The following PARPBP variants were observed in gnomAD, a reference collection of about 807,000 sequenced individuals.
PARPBP encodes PCNA-interacting partner.
In PARPBP, 52 loss-of-function variants were observed where a neutral mutation model predicts 50.0. The observed-to-expected ratio is 1.04, with a 90% CI of 0.83 to 1.31. PARPBP has a LOEUF of 1.31. Among genes scored for constraint, PARPBP ranks in the 50% most tolerant of loss-of-function variants. The pLI, the probability that PARPBP is intolerant of heterozygous loss-of-function variation, is 0.00. For synonymous variants in PARPBP, 244 were observed against 232.1 expected, an observed-to-expected ratio of 1.05 and a Z score of -0.47; for missense variants, 697 against 672.0, an observed-to-expected ratio of 1.04 and a Z score of -0.41.
chr12:102,166,318 A>G (rs1040560604), intron 6 of PARPBP, among the ~76,000 whole-genome samples: 2 of 152,042 alleles, frequency 1.3e-5, no homozygotes, highest in Non-Finnish European at 2.9e-5. Flanking sequence ...TCTTTGGTTC[A>G]TCTGGGATTT....
intron 1 of PARPBP, 128 bp downstream of exon 1, chr12:102,120,414 G>A: frequency 2.2e-6 from 1 of 455,976 alleles, no homozygotes; most frequent in South Asian, 1.6e-5. Flanking sequence ...GAAGTATTAT[G>A]GTGCAGTGAC....
chr12:102,164,556 C>G lies in PARPBP; in HGVS notation c.614C>G (p.Ala205Gly). The G allele has an allele frequency of 1.2e-6, 2 of 1,613,270 alleles. No homozygotes were observed. Among genetic ancestry groups the G allele is most frequent in the Non-Finnish European group, 8.5e-7 (1 of 1,179,344 alleles). ...NIPDRGLGRE[A>G]FTDLKHAARE... ...CCTGATAGAGGACTAGGAAGAGAAG[C>G]CTTCACTGATTTGAAACATGCTGCT... Residue 205 changes from alanine (A) to glycine (G), a missense_variant, in exon 5 of 11, where the codon GCC becomes GGC. By Grantham distance (60) the Ala-to-Gly change is moderately conservative. Transcript: ENST00000327680.
chr12:102,185,589 A>G (rs1057246195), intron 9 of PARPBP, among the ~76,000 whole-genome samples: 3 of 152,176 alleles, frequency 2.0e-5, no homozygotes, highest in Non-Finnish European at 2.9e-5. Context: ...GATTGGTATT[A>G]GTTCTCTTTA....
chr12:102,197,516 A>C lies in PARPBP; in HGVS notation c.*1225A>C. 1 of 1,599,338 alleles carries C rather than the reference A, an allele frequency of 6.3e-7. No individual in the cohort carries two copies. Among genetic ancestry groups the C allele is most frequent in the Non-Finnish European group, 8.5e-7 (1 of 1,174,456 alleles). Reference sequence around the variant, plus strand: ...GAAATAAACGACAAGTCACATTGCCACTTACCTTTGAAACTTTATTTTCCT... The same window carrying C: ...GAAATAAACGACAAGTCACATTGCCCCTTACCTTTGAAACTTTATTTTCCT... On this transcript the variant is annotated 3_prime_UTR_variant, in exon 11 of 11. Coordinates refer to ENST00000327680, the MANE Select transcript of PARPBP (RefSeq NM_017915.5).
At chr12:102,139,288 C>T (rs946336348) in intron 2 of PARPBP, among the ~76,000 whole-genome samples, 8 of 151,598 alleles carry the variant, frequency 5.3e-5, no homozygotes, top group African/African-American at 1.9e-4. Flanking sequence ...GGCTCTCTGT[C>T]TGTGATTGGT....
At chr12:102,188,908 A>C (rs537015786) in intron 9 of PARPBP, among the ~76,000 whole-genome samples, 1 of 152,292 alleles carries the variant, frequency 6.6e-6, no homozygotes, top group East Asian at 1.9e-4. Context: ...AGACCTTGTT[A>C]GATGTGGTTA....
At chr12:102,141,583 A>C (rs547665533) in intron 2 of PARPBP, among the ~76,000 whole-genome samples, 2,077 of 152,218 alleles carry the variant, frequency 0.014, 33 homozygotes, top group Middle Eastern at 0.024. Flanking sequence ...CCTAGCCTTG[A>C]TGGTCTTTAA....
chr12:102,188,961 A>G (rs1215396515), intron 9 of PARPBP, among the ~76,000 whole-genome samples: 1 of 152,164 alleles, frequency 6.6e-6, no homozygotes, highest in Non-Finnish European at 1.5e-5. Context: ...AGTGGACTTG[A>G]AGATGGAGCA....
At chr12:102,157,877 T>C (rs1305855900) in intron 4 of PARPBP, among the ~76,000 whole-genome samples, 1 of 151,980 alleles carries the variant, frequency 6.6e-6, no homozygotes, top group East Asian at 1.9e-4. Flanking sequence ...TCCCAGCACT[T>C]TGGGAGGCTG....
At chr12:102,194,487 T>C (rs1244523335) in intron 9 of PARPBP, among the ~76,000 whole-genome samples, 1 of 151,958 alleles carries the variant, frequency 6.6e-6, no homozygotes, top group African/African-American at 2.4e-5. Context: ...TACTTTGTTC[T>C]AAAATTAATT....
At chr12:102,132,950 A>C (rs1471212978) in intron 2 of PARPBP, among the ~76,000 whole-genome samples, 2 of 151,922 alleles carry the variant, frequency 1.3e-5, no homozygotes, top group African/African-American at 4.8e-5. Context: ...TTACTTTTTC[A>C]GATTGTTTTT....
chr12:102,133,779 C>A (rs1204849781), intron 2 of PARPBP, among the ~76,000 whole-genome samples: 9 of 152,042 alleles, frequency 5.9e-5, no homozygotes, highest in Admixed American at 3.9e-4. Flanking sequence ...AGATTGAAAT[C>A]ATACTGAGTA....
chr12:102,184,328 T>C (rs796446547), intron 9 of PARPBP, among the ~76,000 whole-genome samples: 53 of 152,222 alleles, frequency 3.5e-4, no homozygotes, highest in African/African-American at 1.1e-3. Flanking sequence ...CTTGGTGTTA[T>C]AAACAATCCA....
chr12:102,137,520 T>A (rs1278668224), intron 2 of PARPBP, among the ~76,000 whole-genome samples: 1 of 152,174 alleles, frequency 6.6e-6, no homozygotes, highest in Non-Finnish European at 1.5e-5. Flanking sequence ...CTAAAGATTT[T>A]TTTTTTTTAA....
intron 2 of PARPBP, among the ~76,000 whole-genome samples, chr12:102,141,920 T>G (rs1884666234): frequency 6.6e-6 from 1 of 152,186 alleles, no homozygotes; most frequent in Non-Finnish European, 1.5e-5. Flanking sequence ...CCCTTAACAT[T>G]TTTTCCTTCA....
At chr12:102,171,698 C>G (rs964608884) in intron 6 of PARPBP, among the ~76,000 whole-genome samples, 1 of 152,018 alleles carries the variant, frequency 6.6e-6, no homozygotes, top group East Asian at 1.9e-4. Context: ...AACCCCGTCT[C>G]TACTAAAAAT....
At chr12:102,176,065 C>G (rs1214974057) in intron 7 of PARPBP, among the ~76,000 whole-genome samples, 1 of 151,948 alleles carries the variant, frequency 6.6e-6, no homozygotes, top group Non-Finnish European at 1.5e-5. Context: ...TCACTGCAAC[C>G]TCTGCCTCCT....
chr12:102,178,736 C>T lies in PARPBP; in HGVS notation c.1150C>T (p.His384Tyr). Residue 384 changes from histidine to tyrosine, a missense_variant, in exon 8 of 11, where the codon CAT (histidine) becomes TAT (tyrosine). Physicochemically the swap from His to Tyr is moderately conservative, Grantham distance 83. Coordinates refer to ENST00000327680, the MANE Select transcript of PARPBP (RefSeq NM_017915.5). ...TTTATATGATGAGGAAAACACAATCCATCATCATGGAACGTCTATTCTTAC... is the reference window on the plus strand; with the variant it reads ...TTTATATGATGAGGAAAACACAATCTATCATCATGGAACGTCTATTCTTAC... ...ELLYDEENTI[H>Y]HHGTSILTLF... 1.2e-6 allele frequency: 2 copies of T among 1,611,940 alleles called. No homozygotes were observed. The highest frequency in any genetic ancestry group is 1.7e-6 in the Non-Finnish European group (2 of 1,178,882).
intron 9 of PARPBP, among the ~76,000 whole-genome samples, chr12:102,186,725 A>G (rs1224933585): frequency 2.0e-5 from 3 of 152,162 alleles, no homozygotes; most frequent in Non-Finnish European, 2.9e-5. Flanking sequence ...GAAAAGTCAT[A>G]TATACAGGTC....
Sources: gnomAD v4.1 joint callset for allele counts (sites outside exome capture counted in the v4.1 genomes callset) on GRCh38, gnomAD v4.1.1 for gene constraint, MANE v1.5 for transcripts, NCBI Gene and HGNC (gene_info 2026-07-23, HGNC 2026-07-21) for gene names.